Variants in TFAP2B observed in about 807,000 individuals in gnomAD.
TFAP2B encodes the protein transcription factor AP-2 beta, also known as transcription factor AP-2-beta.
In TFAP2B, 9 loss-of-function variants were observed where a neutral mutation model predicts 44.3. The ratio of observed to expected loss-of-function variants is 0.20; its 90% CI spans 0.12 to 0.35. TFAP2B has a LOEUF of 0.35. Among genes scored for constraint, TFAP2B ranks in the 10% least tolerant of loss-of-function variants. TFAP2B has a pLI of 1.00. For synonymous variants in TFAP2B, 270 were observed against 263.8 expected (o/e 1.02, Z -0.23); for missense variants, 509 against 600.0 (o/e 0.85, Z 1.59).
chr6:50,831,960 T>C (rs942010338), intron 3 of TFAP2B, among the ~76,000 whole-genome samples: 2 of 152,214 alleles, frequency 1.3e-5, no homozygotes, highest in African/African-American at 4.8e-5. Context: ...TTCTTTCCCG[T>C]TAGTTCTGGC....
At chr6:50,835,198 C>T (rs1023261125) in intron 3 of TFAP2B, among the ~76,000 whole-genome samples, 8 of 152,122 alleles carry the variant, frequency 5.3e-5, no homozygotes, top group Admixed American at 1.3e-4. Flanking sequence ...AATTACTTGC[C>T]GAAAAGAAAC....
chr6:50,837,231 G>T (rs1341174184), intron 4 of TFAP2B, among the ~76,000 whole-genome samples: 1 of 152,214 alleles, frequency 6.6e-6, no homozygotes, highest in Non-Finnish European at 1.5e-5. Context: ...AATCTTGGGA[G>T]AAATTAAGGG....
intron 6 of TFAP2B, among the ~76,000 whole-genome samples, chr6:50,842,888 C>G (rs886577674): frequency 6.6e-6 from 1 of 152,172 alleles, no homozygotes; most frequent in Non-Finnish European, 1.5e-5. Flanking sequence ...GGAAGGGGTG[C>G]ATTACCTCCC....
chr6:50,828,674 A>T lies in TFAP2B; in HGVS notation c.596A>T (p.Lys199Ile). The change falls in exon 3 of 7, where the codon AAA (lysine) becomes ATA (isoleucine). Residue 199 changes from lysine (K) to isoleucine (I), a missense_variant. This residue lies in a region of TFAP2B where 296 missense variants were observed against 308.2 expected (regional missense o/e 0.96). Transcript: ENST00000393655. ...AATCTATTGGACCAGTCTGTCATTA[A>T]AAAAGGTATGGATAATTCCCCCCAA... is the stretch of plus-strand genomic sequence containing the variant. Reference protein sequence around the residue: ...GMNLLDQSVIKKVPVPPKSVT... With the variant: ...GMNLLDQSVIIKVPVPPKSVT... 1 of 1,614,096 alleles carries T rather than the reference A, an allele frequency of 6.2e-7. No homozygotes were observed. The highest frequency in any genetic ancestry group is 8.5e-7 in the Non-Finnish European group (1 of 1,179,980).
intron 3 of TFAP2B, among the ~76,000 whole-genome samples, chr6:50,830,032 T>A (rs1298512615): frequency 6.6e-6 from 1 of 152,202 alleles, no homozygotes; most frequent in Non-Finnish European, 1.5e-5. Context: ...ATACCCAGGC[T>A]CGGTGCTTAA....
Position 50,847,330 on chromosome 6 carries a change from T to C in TFAP2B, c.*3938T>C, listed in dbSNP as rs1762869779. ...TCAAGAAATATCAATCTATTGACTC[T>C]TCACGAGAAGAGCTCTGGAGGGTAT... On this transcript the variant is annotated 3_prime_UTR_variant, in exon 7 of 7. Coordinates refer to ENST00000393655, the MANE Select transcript of TFAP2B (RefSeq NM_003221.4). 2 of 152,790 alleles carry C rather than the reference T, an allele frequency of 1.3e-5. No homozygotes were observed. The highest frequency in any genetic ancestry group is 2.4e-5 in the African/African-American group (1 of 41,584). The allele number at this position is 152,790 out of a possible 1,614,324, so 9.5% of individuals were successfully genotyped here. A position where few individuals can be genotyped will look rare whatever the true frequency, so the allele number is the denominator to read the frequency against.
chr6:50,826,477 A>G (rs1770508576), intron 2 of TFAP2B, among the ~76,000 whole-genome samples: 1 of 151,926 alleles, frequency 6.6e-6, no homozygotes, highest in South Asian at 2.1e-4. Flanking sequence ...AACCCTGTCA[A>G]TTTCTATTTC....
At position 50,823,428 on chromosome 6, in the gene TFAP2B, A is replaced by G. The variant is rs1770410728; in HGVS notation, c.103A>G (p.Ser35Gly). The stretch of plus-strand genomic sequence containing the variant: ...CCAGGACCGGCACGATGGTGTCCCG[A>G]GCCACAGCTCGCGGCTCTCCCAGCT... ...IYEDRHDGVP[S>G]HSSRLSQLGS... is the part of the protein sequence containing the mutation. The change falls in exon 2 of 7, where the codon AGC becomes GGC. Residue 35 changes from serine (S) to glycine (G), a missense_variant. Physicochemically the swap from Ser to Gly is moderately conservative, Grantham distance 56. Coordinates refer to ENST00000393655, the MANE Select transcript of TFAP2B (RefSeq NM_003221.4). 1 of 1,601,454 alleles carries G rather than the reference A, an allele frequency of 6.2e-7. No individual in the cohort carries two copies. Among genetic ancestry groups the G allele is most frequent in the Non-Finnish European group, 8.5e-7 (1 of 1,174,616 alleles).
At chr6:50,832,473 A>G (rs1762530858) in intron 3 of TFAP2B, among the ~76,000 whole-genome samples, 1 of 152,176 alleles carries the variant, frequency 6.6e-6, no homozygotes, top group South Asian at 2.1e-4. Flanking sequence ...ACACTTATAC[A>G]TGCACTATAG....
upstream of TFAP2B, chr6:50,818,640 T>C: frequency 6.0e-6 from 3 of 496,718 alleles, no homozygotes; most frequent in Non-Finnish European, 1.1e-5. Flanking sequence ...TATATGTGGG[T>C]GTCTGGGTGT....
In TFAP2B at chr6:50,846,615, A is replaced by G. The variant is rs1436318443; in HGVS notation, c.*3223A>G. 1.3e-5 allele frequency: 2 copies of G among 152,178 alleles called. No homozygotes were observed. Among genetic ancestry groups the G allele is most frequent in the East Asian group, 3.9e-4 (2 of 5,182 alleles). 9.4% of individuals were successfully genotyped at this position (152,178 alleles called of 1,614,324 possible). On this transcript the variant is annotated 3_prime_UTR_variant, in exon 7 of 7. Transcript: ENST00000393655. ...TTCGCAAGTTCTTTTAAAGGTTCCA[A>G]AGATCTCCAGACCATTCTCTGCCAA... is the stretch of plus-strand genomic sequence containing the variant.
At chr6:50,822,067 C>T in intron 1 of TFAP2B, 1 of 1,203,678 alleles carries the variant, frequency 8.3e-7, no homozygotes, top group South Asian at 1.3e-5. Context: ...CGCTTCTCTG[C>T]TGGACTCCTT....
In TFAP2B at chr6:50,844,730, A is replaced by T. The variant is rs889440901; in HGVS notation, c.*1338A>T. On this transcript the variant is annotated 3_prime_UTR_variant, in exon 7 of 7. Transcript: ENST00000393655. ...TTGCCCTGCATTTAAAATTGATTTG[A>T]TTTCCCTGGGTTCTTTGGTGATTGC... The T allele has an allele frequency of 2.0e-5, 3 of 152,360 alleles. No individual in the cohort carries two copies. Among genetic ancestry groups the T allele is most frequent in the Admixed American group, 1.3e-4 (2 of 15,282 alleles). The allele number at this position is 152,360 out of a possible 1,614,324, so 9.4% of individuals were successfully genotyped here.
rs1581834740 is a variant in TFAP2B at position 50,844,141 on chromosome 6, C to G, written c.*749C>G. 1 of 152,290 alleles carries G rather than the reference C, an allele frequency of 6.6e-6. No individual in the cohort carries two copies. The highest frequency in any genetic ancestry group is 1.5e-5 in the Non-Finnish European group (1 of 68,052). 9.4% of individuals were successfully genotyped at this position (152,290 alleles called of 1,614,324 possible). A position where few individuals can be genotyped will look rare whatever the true frequency, so the allele number is the denominator to read the frequency against. ...TGCCGGCCGGCAGAGCAGGTTCTGG[C>G]GGCTGAGGAAAATCCGGACCAATAA... On this transcript the variant is annotated 3_prime_UTR_variant, in exon 7 of 7. Coordinates refer to ENST00000393655, the MANE Select transcript of TFAP2B (RefSeq NM_003221.4).
intron 6 of TFAP2B, 108 bp from the exon 7 acceptor site, chr6:50,842,984 C>T (rs1762762464): frequency 2.8e-6 from 4 of 1,444,312 alleles, no homozygotes; most frequent in African/African-American, 2.8e-5. Context: ...ACATTAGCCT[C>T]GCTCTTCGGT....
chr6:50,833,351 A>G (rs1209698881), intron 3 of TFAP2B, among the ~76,000 whole-genome samples: 1 of 152,210 alleles, frequency 6.6e-6, no homozygotes, highest in Non-Finnish European at 1.5e-5. Context: ...GATCTAAAGG[A>G]AAGTTGGGAC....
intron 1 of TFAP2B, 124 bp downstream of exon 1, chr6:50,819,096 T>C (rs1770252028): frequency 1.0e-6 from 1 of 953,034 alleles, no homozygotes; most frequent in Admixed American, 2.1e-5. Context: ...TTTTCTCAGC[T>C]TTTTTTAACT....
intron 1 of TFAP2B, among the ~76,000 whole-genome samples, chr6:50,822,398 G>A (rs1770378315): frequency 1.3e-5 from 2 of 152,090 alleles, no homozygotes. Flanking sequence ...AGGCCGAAAA[G>A]AAAAACTTTT....
intron 2 of TFAP2B, among the ~76,000 whole-genome samples, chr6:50,824,088 G>T (rs1770438427): frequency 6.6e-6 from 1 of 152,170 alleles, no homozygotes; most frequent in African/African-American, 2.4e-5. Context: ...CAAACCACGA[G>T]AAATTAAATC....
Sources: allele counts gnomAD v4.1 joint callset (sites outside exome capture counted in the v4.1 genomes callset), GRCh38; gene constraint gnomAD v4.1.1; regional missense constraint gnomAD v4.1.1; transcripts MANE v1.5; gene names NCBI Gene and HGNC (gene_info 2026-07-23, HGNC 2026-07-21).